The following DYSF variants were observed in gnomAD, a reference collection of about 807,000 sequenced individuals.
DYSF encodes dysferlin, also known as dystrophy-associated fer-1-like 1.
Under a neutral mutation model 274.9 loss-of-function variants are expected in DYSF, and 212 were observed. That is an observed-to-expected ratio of 0.77 (90% confidence interval 0.69 to 0.86). DYSF has a LOEUF of 0.86. Ranked by LOEUF, DYSF falls within the 40% of genes least tolerant of loss-of-function variation. The pLI is 0.00. For synonymous variants in DYSF, 1,091 were observed against 1,078.7 expected (o/e 1.01, Z -0.22); for missense variants, 2,666 against 2,783.2 (o/e 0.96, Z 0.95).
chr2:71,484,211 C>G (rs1303373833), intron 3 of DYSF, among the ~76,000 whole-genome samples: 1 of 151,924 alleles, frequency 6.6e-6, no homozygotes, highest in African/African-American at 2.4e-5. Context: ...CACCACCACA[C>G]CTGGCTAATT....
intron 3 of DYSF, among the ~76,000 whole-genome samples, chr2:71,485,652 C>T (rs2083301716): frequency 6.6e-6 from 1 of 152,170 alleles, no homozygotes; most frequent in Non-Finnish European, 1.5e-5. Flanking sequence ...AAAGTACTTC[C>T]ACCCTACACA....
intron 1 of DYSF, among the ~76,000 whole-genome samples, chr2:71,456,523 C>T (rs942817321): frequency 6.6e-6 from 1 of 152,200 alleles, no homozygotes; most frequent in Non-Finnish European, 1.5e-5. Flanking sequence ...GGGAAGCCTT[C>T]CCTCCCCAGC....
chr2:71,671,522 G>A (rs961237147), intron 51 of DYSF, among the ~76,000 whole-genome samples: 1 of 152,256 alleles, frequency 6.6e-6, no homozygotes, highest in African/African-American at 2.4e-5. Context: ...TGGGAGGTGG[G>A]ACAGCCCCTT....
chr2:71,681,188 T>C (rs2095292197), intron 54 of DYSF, 78 bp downstream of exon 54: 1 of 1,378,058 alleles, frequency 7.3e-7, no homozygotes, highest in Non-Finnish European at 1.0e-6. Flanking sequence ...TCCCATTGCA[T>C]GGCCATGTAG....
chr2:71,470,606 G>A (rs1340240276), intron 1 of DYSF, among the ~76,000 whole-genome samples: 13 of 148,078 alleles, frequency 8.8e-5, no homozygotes, highest in South Asian at 2.2e-4. Context: ...CCCAGGAGAC[G>A]GAGGTTGCAG....
intron 48 of DYSF, among the ~76,000 whole-genome samples, chr2:71,667,825 A>C (rs113783929): frequency 6.6e-6 from 1 of 152,130 alleles, no homozygotes; most frequent in African/African-American, 2.4e-5. Context: ...GCCTGACTTC[A>C]GGTTGGATTC....
intron 52 of DYSF, among the ~76,000 whole-genome samples, chr2:71,676,314 C>T (rs1319121981): frequency 6.7e-6 from 1 of 149,292 alleles, no homozygotes; most frequent in Non-Finnish European, 1.5e-5. Context: ...CTTTTGCTAC[C>T]ACTGTACATT....
At position 71,611,744 on chromosome 2, in the gene DYSF, C is replaced by T. The variant is rs1196627058; in HGVS notation, c.4221+118C>T. The T allele has an allele frequency of 5.4e-6, 7 of 1,305,664 alleles. No individual in the cohort carries two copies. The African/African-American group carries it at 5.8e-5, about 11-fold the overall frequency. 80.9% of individuals were successfully genotyped at this position (1,305,664 alleles called of 1,614,324 possible). On this transcript the variant is annotated intron_variant, in intron 38 of 55. Coordinates refer to ENST00000410020, the MANE Select transcript of DYSF (RefSeq NM_001130987.2). ...CTGCGGGATCCAGGGTAGGACCCCT[C>T]ACTTTCCTGTGAACATGGGGAGAAA...
chr2:71,570,020 C>G, intron 27 of DYSF, 86 bp downstream of exon 27: 2 of 1,279,310 alleles, frequency 1.6e-6, no homozygotes, highest in Non-Finnish European at 2.3e-6. Flanking sequence ...GGGCATGTTT[C>G]TCTTTGCCCC....
At chr2:71,684,734 G>A (rs1333279571) in intron 55 of DYSF, among the ~76,000 whole-genome samples, 3 of 152,224 alleles carry the variant, frequency 2.0e-5, no homozygotes, top group African/African-American at 7.2e-5. Flanking sequence ...TGCTGAGGGG[G>A]AATCTGCATG....
rs1404000468 is a variant in DYSF at position 71,611,555 on chromosome 2, G to A, written c.4150G>A (p.Val1384Met). ...CGTGGTAGAGTGTGGGGGCCAGACG[G>A]TGCAGTCCTGTGTCATCAGGAACCT... ...SLVVECGGQT[V>M]QSCVIRNLRK... The change falls in exon 38 of 56, where the codon GTG becomes ATG. Residue 1384 changes from valine to methionine, a missense_variant. Coordinates refer to ENST00000410020, the MANE Select transcript of DYSF (RefSeq NM_001130987.2). 1 of 1,613,982 alleles carries A rather than the reference G, an allele frequency of 6.2e-7. No individual in the cohort carries two copies. Among genetic ancestry groups the A allele is most frequent in the African/African-American group, 1.3e-5 (1 of 74,958 alleles).
At position 71,533,484 on chromosome 2, in the gene DYSF, C is replaced by T. The variant is rs535967737; in HGVS notation, c.1381-1537C>T. Among the ~76,000 whole-genome samples, 11 of 152,320 alleles carry T rather than the reference C, an allele frequency of 7.2e-5. No individual in the cohort carries two copies. The East Asian group carries it at 7.7e-4, about 11-fold the overall frequency. On this transcript the variant is annotated intron_variant, in intron 14 of 55. Transcript: ENST00000410020. ...GCTGCCTAGTACTCCATTGTACGGA[C>T]GGACCATACTTCATTTAACCTGCTT...
At chr2:71,510,206 A>C (rs1019408622) in intron 4 of DYSF, among the ~76,000 whole-genome samples, 1 of 152,218 alleles carries the variant, frequency 6.6e-6, no homozygotes, top group Non-Finnish European at 1.5e-5. Context: ...AAAGAGCCCA[A>C]CTTACCTTTT....
rs1238498140 is a variant in DYSF, at chr2:71,615,394, A to T, written c.4464+1984A>T. On this transcript the variant is annotated intron_variant, in intron 40 of 55. Transcript: ENST00000410020. The surrounding 1 kb of genome is among the most constrained non-coding windows in gnomAD (Gnocchi z 4.9). The stretch of plus-strand genomic sequence containing the variant: ...AGGGGAGGAGGAGGAAATGACACTG[A>T]TTTGCTCTGATGGGGGAGGCTTGGA... Among the ~76,000 whole-genome samples the T allele has an allele frequency of 6.6e-6, 1 of 151,820 alleles. No homozygotes were observed. Among genetic ancestry groups the T allele is most frequent in the Non-Finnish European group, 1.5e-5 (1 of 67,926 alleles).
intron 13 of DYSF, among the ~76,000 whole-genome samples, chr2:71,527,048 C>T (rs1156600993): frequency 6.6e-6 from 1 of 152,206 alleles, no homozygotes; most frequent in African/African-American, 2.4e-5. Context: ...ACCGAATATT[C>T]TAGAGCTCTG....
intron 3 of DYSF, among the ~76,000 whole-genome samples, chr2:71,497,589 G>T (rs2084532045): frequency 6.6e-6 from 1 of 152,186 alleles, no homozygotes. Flanking sequence ...TTTCCTTTCT[G>T]AATTACCCAG....
At chr2:71,583,196 A>G (rs1285709619) in intron 30 of DYSF, among the ~76,000 whole-genome samples, 1 of 152,190 alleles carries the variant, frequency 6.6e-6, no homozygotes, top group Non-Finnish European at 1.5e-5. Context: ...AGAATTCCTG[A>G]AAATATAATC....
chr2:71,470,281 G>A (rs374246522), intron 1 of DYSF, among the ~76,000 whole-genome samples: 12 of 152,144 alleles, frequency 7.9e-5, no homozygotes, highest in African/African-American at 1.4e-4. Flanking sequence ...GATTCCTGTC[G>A]TCAGGGAACA....
intron 30 of DYSF, among the ~76,000 whole-genome samples, chr2:71,580,706 G>A (rs2092864982): frequency 6.6e-6 from 1 of 152,188 alleles, no homozygotes; most frequent in African/African-American, 2.4e-5. Flanking sequence ...CTGGCATTGT[G>A]CTAGCATGGG....
Sources: allele counts gnomAD v4.1 joint callset (sites outside exome capture counted in the v4.1 genomes callset), GRCh38; gene constraint gnomAD v4.1.1; non-coding constraint Gnocchi (gnomAD v3.1); transcripts MANE v1.5; gene names NCBI Gene and HGNC (gene_info 2026-07-23, HGNC 2026-07-21).